RIMS2: variants seen among roughly 807,000 people sequenced by gnomAD.
The protein encoded by RIMS2 is regulating synaptic membrane exocytosis 2, also known as regulating synaptic membrane exocytosis protein 2.
In RIMS2, 59 loss-of-function variants were observed where a neutral mutation model predicts 174.4. The ratio of observed to expected loss-of-function variants is 0.34; its 90% CI spans 0.27 to 0.42. The LOEUF is 0.42. RIMS2 is among the 10% of genes least tolerant of loss of function. The probability of loss-of-function intolerance (pLI) is 1.00; values close to 1 mark genes in which losing one functional copy is unlikely to be tolerated. For missense variants in RIMS2, 1,620 were observed against 1,666.3 expected, an observed-to-expected ratio of 0.97 and a Z score of 0.48; for synonymous variants, 606 against 572.5, an observed-to-expected ratio of 1.06 and a Z score of -0.84.
chr8:103,993,976 G>A (rs1384401214), intron 17 of RIMS2, among the ~76,000 whole-genome samples: 1 of 149,916 alleles, frequency 6.7e-6, no homozygotes, highest in Non-Finnish European at 1.5e-5. Flanking sequence ...CATGAGCCTA[G>A]GGAAGTCAAG....
At chr8:104,075,699 C>T (rs907403576) in intron 19 of RIMS2, among the ~76,000 whole-genome samples, 1 of 152,148 alleles carries the variant, frequency 6.6e-6, no homozygotes, top group African/African-American at 2.4e-5. Context: ...TAGCAGAATC[C>T]CAAGAGAAAT....
At chr8:103,704,398 A>T (rs1448758546) in intron 2 of RIMS2, among the ~76,000 whole-genome samples, 1 of 151,878 alleles carries the variant, frequency 6.6e-6, no homozygotes, top group Non-Finnish European at 1.5e-5. Context: ...ATGTTCGTTC[A>T]TCAGAGATAA....
intron 19 of RIMS2, among the ~76,000 whole-genome samples, chr8:104,096,262 G>T (rs1284327468): frequency 6.6e-6 from 1 of 152,152 alleles, no homozygotes; most frequent in Non-Finnish European, 1.5e-5. Flanking sequence ...GAGCCCATTG[G>T]TGTTTGCCTG....
intron 1 of RIMS2, among the ~76,000 whole-genome samples, chr8:103,658,380 C>G (rs749818701): frequency 2.0e-5 from 3 of 152,166 alleles, no homozygotes; most frequent in Non-Finnish European, 4.4e-5. Context: ...TAGTTGATCA[C>G]TAGGGATGCC....
At chr8:104,228,701 T>G (rs1400951015) in intron 19 of RIMS2, among the ~76,000 whole-genome samples, 1 of 152,238 alleles carries the variant, frequency 6.6e-6, no homozygotes, top group African/African-American at 2.4e-5. Context: ...GCAGTGATCA[T>G]AGTTTTTACC....
At chr8:104,255,234 T>TTTCTTTGTTGTTCATTCCTG, downstream of RIMS2, 1 of 151,296 alleles carries the variant, frequency 6.6e-6, no homozygotes, top group African/African-American at 2.4e-5. Flanking sequence ...TAGTGAATTG[T>TTTCTTTGTTGTTCATTCCTG]TTCTTTGTTG....
chr8:103,882,896 G>A (rs2099175143), intron 3 of RIMS2, among the ~76,000 whole-genome samples: 1 of 151,488 alleles, frequency 6.6e-6, no homozygotes, highest in African/African-American at 2.4e-5. Context: ...AAAAATTCAT[G>A]TTAATTCCTT....
intron 1 of RIMS2, among the ~76,000 whole-genome samples, chr8:103,585,243 A>G (rs577798779): frequency 1.8e-4 from 27 of 152,226 alleles, no homozygotes; most frequent in African/African-American, 5.1e-4. Context: ...GAAACAACAA[A>G]TGCTGGTGAG....
chr8:104,195,006 G>A (rs937965099), intron 19 of RIMS2, among the ~76,000 whole-genome samples: 2 of 152,148 alleles, frequency 1.3e-5, no homozygotes, highest in African/African-American at 4.8e-5. Flanking sequence ...TTTAGGTCAA[G>A]GAAAGGGAAA....
rs376336733 is a variant in RIMS2 at position 103,755,396 on chromosome 8, G to A, written c.388-10831G>A. ...TCATTTCAACCTTGGTGTATCTGAC[G>A]ATTATGTGTCTTGGGGTTGCTCTTC... On this transcript the variant is annotated intron_variant, in intron 2 of 23. Coordinates refer to ENST00000504942, the Ensembl canonical transcript of RIMS2. Among the ~76,000 whole-genome samples the A allele has an allele frequency of 1.8e-4, 28 of 152,106 alleles. No individual in the cohort carries two copies. In the East Asian group the frequency reaches 3.9e-3, roughly 21 times the overall value.
intron 3 of RIMS2, among the ~76,000 whole-genome samples, chr8:103,786,254 T>G (rs2098442765): frequency 6.6e-6 from 1 of 152,234 alleles, no homozygotes; most frequent in South Asian, 2.1e-4. Flanking sequence ...GAAGGGTTTT[T>G]TGTGTCTCTA....
chr8:103,634,830 G>A (rs1488618103), intron 1 of RIMS2, among the ~76,000 whole-genome samples: 1 of 152,080 alleles, frequency 6.6e-6, no homozygotes, highest in Non-Finnish European at 1.5e-5. Flanking sequence ...CTGAAATGAG[G>A]ATTGTCAACC....
chr8:103,684,529 G>A (rs1333314631), intron 1 of RIMS2, among the ~76,000 whole-genome samples: 1 of 146,032 alleles, frequency 6.8e-6, no homozygotes, highest in Non-Finnish European at 1.5e-5. Flanking sequence ...CTACTTTCTG[G>A]TTCATACTTT....
chr8:103,788,625 C>T (rs866671143), intron 3 of RIMS2, among the ~76,000 whole-genome samples: 11 of 152,004 alleles, frequency 7.2e-5, no homozygotes, highest in South Asian at 6.2e-4. Flanking sequence ...ACAGTTTGCC[C>T]GTTCTCAGAT....
At chr8:103,747,168 T>C (rs968379943) in intron 2 of RIMS2, among the ~76,000 whole-genome samples, 8 of 151,744 alleles carry the variant, frequency 5.3e-5, no homozygotes, top group Non-Finnish European at 8.8e-5. Context: ...TGTATACATG[T>C]GCCATGCTGG....
At chr8:104,159,420 CA>C (rs2098746840) in intron 19 of RIMS2, among the ~76,000 whole-genome samples, 1 of 152,008 alleles carries the variant, frequency 6.6e-6, no homozygotes, top group Non-Finnish European at 1.5e-5. Context: ...TAGTTTTTTC[CA>C]ATTCTGTGAA....
intron 3 of RIMS2, among the ~76,000 whole-genome samples, chr8:103,826,563 G>A (rs770153246): frequency 4.3e-4 from 66 of 151,820 alleles, no homozygotes; most frequent in Middle Eastern, 3.4e-3. Context: ...TTCTATTTCT[G>A]ATCTGTGCAA....
chr8:103,839,761 AG>A (rs1287583673), intron 3 of RIMS2, among the ~76,000 whole-genome samples: 1 of 152,240 alleles, frequency 6.6e-6, no homozygotes, highest in Non-Finnish European at 1.5e-5. Flanking sequence ...CTTCTGCCCT[AG>A]TACTTTGCAT....
chr8:103,705,976 TCTTC>T (rs1430403463), intron 2 of RIMS2, among the ~76,000 whole-genome samples: 2 of 152,040 alleles, frequency 1.3e-5, no homozygotes, highest in Non-Finnish European at 2.9e-5. Context: ...GTAAGTTCCT[TCTTC>T]CTTCTTTCCT....
Sources: allele counts gnomAD v4.1 joint callset (sites outside exome capture counted in the v4.1 genomes callset), GRCh38; gene constraint gnomAD v4.1.1; transcripts MANE v1.5; gene names NCBI Gene and HGNC (gene_info 2026-07-23, HGNC 2026-07-21).